OGFOD1: variants seen among roughly 807,000 people sequenced by gnomAD.
OGFOD1 encodes the protein prolyl 3-hydroxylase OGFOD1.
A neutral mutation model predicts 67.7 loss-of-function variants in OGFOD1; 54 were observed. The ratio of observed to expected loss-of-function variants is 0.80; its 90% CI spans 0.64 to 1.00. The LOEUF (loss-of-function observed/expected upper bound fraction) is 1.00. Ranked by LOEUF, OGFOD1 falls within the 50% of genes least tolerant of loss-of-function variation. OGFOD1 has a pLI of 0.00. For missense variants in OGFOD1, 606 were observed against 646.7 expected (o/e 0.94, Z 0.68); for synonymous variants, 221 against 227.0 (o/e 0.97, Z 0.24).
At position 56,478,725 on chromosome 16, in the gene OGFOD1, AG is replaced by A. The variant is rs1327024074; in HGVS notation, c.*2521del. The A allele has an allele frequency of 6.6e-6, 1 of 152,148 alleles. No homozygotes were observed. Among genetic ancestry groups the A allele is most frequent in the East Asian group, 1.9e-4 (1 of 5,182 alleles). The allele number at this position is 152,148 out of a possible 1,614,324, so 9.4% of individuals were successfully genotyped here. On this transcript the variant is annotated 3_prime_UTR_variant, in exon 13 of 13. Coordinates refer to ENST00000566157, the MANE Select transcript of OGFOD1 (RefSeq NM_018233.4). The stretch of plus-strand genomic sequence containing the variant: ...TCACAAGTGTTAAAATGTGCTTTTT[AG>A]TGTCTCCTTTATCTCAGTGTGTTTA...
Position 56,478,746 on chromosome 16 carries a change from T to A in OGFOD1, c.*2541T>A, listed in dbSNP as rs1410096267. The A allele has an allele frequency of 6.6e-6, 1 of 152,272 alleles. No homozygotes were observed. The highest frequency in any genetic ancestry group is 6.5e-5 in the Admixed American group (1 of 15,284). 9.4% of individuals were successfully genotyped at this position (152,272 alleles called of 1,614,324 possible). The stretch of plus-strand genomic sequence containing the variant: ...TTTTAGTGTCTCCTTTATCTCAGTG[T>A]GTTTATGATCTGTCAACACATAATC... On this transcript the variant is annotated 3_prime_UTR_variant, in exon 13 of 13. Transcript: ENST00000566157.
At position 56,451,563 on chromosome 16, in the gene OGFOD1, G is replaced by A. The variant is rs1272047583; in HGVS notation, c.-50G>A. ...CATGCCGGGAGTTGCAGTACCCTCA[G>A]GAAGGTAGCGTCTTGATCTGCGTGG... On this transcript the variant is annotated 5_prime_UTR_variant, in exon 1 of 13. Transcript: ENST00000566157. 7.5e-6 allele frequency: 12 copies of A among 1,602,902 alleles called. No individual in the cohort carries two copies. The highest frequency in any genetic ancestry group is 7.7e-6 in the Non-Finnish European group (9 of 1,174,030).
chr16:56,470,355 G>A (rs757090938), intron 9 of OGFOD1, 132 bp from the exon 10 acceptor site: 2 of 834,202 alleles, frequency 2.4e-6, no homozygotes, highest in Non-Finnish European at 1.9e-6. Context: ...TCTCACTATT[G>A]TAATAACTTG....
chr16:56,451,896 C>T, intron 1 of OGFOD1, 130 bp downstream of exon 1: 1 of 956,714 alleles, frequency 1.0e-6, no homozygotes, highest in Non-Finnish European at 1.5e-6. Flanking sequence ...CTTTGGCCAC[C>T]TCCTACTCTC....
chr16:56,461,376 G>A (rs1028234744), intron 3 of OGFOD1, among the ~76,000 whole-genome samples: 1 of 152,206 alleles, frequency 6.6e-6, no homozygotes, highest in East Asian at 1.9e-4. Flanking sequence ...AGGACGTGGT[G>A]TGGAAGCTCC....
rs1963556953 is a variant in OGFOD1 at position 56,478,111 on chromosome 16, C to A, written c.*1906C>A. ...GAACTAGTTCTAACATTGTCTTCCC[C>A]TATGCATATGGTAACGAACCATTTT... On this transcript the variant is annotated 3_prime_UTR_variant, in exon 13 of 13. Coordinates refer to ENST00000566157, the MANE Select transcript of OGFOD1 (RefSeq NM_018233.4). 6.6e-6 allele frequency: 1 copy of A among 152,160 alleles called. No homozygotes were observed. The highest frequency in any genetic ancestry group is 1.5e-5 in the Non-Finnish European group (1 of 68,024). The allele number at this position is 152,160 out of a possible 1,614,324, so 9.4% of individuals were successfully genotyped here. A position where few individuals can be genotyped will look rare whatever the true frequency, so the allele number is the denominator to read the frequency against.
At chr16:56,464,843 A>G (rs1416658507) in intron 4 of OGFOD1, among the ~76,000 whole-genome samples, 1 of 152,160 alleles carries the variant, frequency 6.6e-6, no homozygotes, top group Non-Finnish European at 1.5e-5. Flanking sequence ...CTTTTAGTGA[A>G]GAAAGATACT....
At chr16:56,475,100 G>A in intron 11 of OGFOD1, 150 bp downstream of exon 11, 2 of 801,290 alleles carry the variant, frequency 2.5e-6, no homozygotes, top group Non-Finnish European at 3.9e-6. Context: ...GATTTTACGG[G>A]TCATGAATTC....
chr16:56,452,874 C>G (rs1008126044), intron 1 of OGFOD1, among the ~76,000 whole-genome samples: 4 of 151,906 alleles, frequency 2.6e-5, no homozygotes, highest in Non-Finnish European at 5.9e-5. Context: ...TTGGGAAAAG[C>G]AAAAGCAGGG....
intron 2 of OGFOD1, among the ~76,000 whole-genome samples, chr16:56,456,447 A>G (rs1227168134): frequency 6.6e-6 from 1 of 152,184 alleles, no homozygotes; most frequent in Non-Finnish European, 1.5e-5. Flanking sequence ...TTCTCCCTCT[A>G]AATCTGCTCC....
chr16:56,473,280 CT>C (rs1963290108), intron 10 of OGFOD1, among the ~76,000 whole-genome samples: 1 of 152,172 alleles, frequency 6.6e-6, no homozygotes, highest in Non-Finnish European at 1.5e-5. Flanking sequence ...TTTCTAGAAG[CT>C]TTTATTTCAA....
At chr16:56,474,974 T>C (rs775539616) in intron 11 of OGFOD1, 24 bp downstream of exon 11, 1 of 1,611,642 alleles carries the variant, frequency 6.2e-7, no homozygotes, top group Admixed American at 1.7e-5. Context: ...AAGCAAGCGG[T>C]GGATTATTCC....
intron 2 of OGFOD1, 61 bp from the exon 3 acceptor site, chr16:56,458,487 C>A: frequency 6.8e-7 from 1 of 1,469,924 alleles, no homozygotes; most frequent in Non-Finnish European, 9.5e-7. Flanking sequence ...CTAAACTGCT[C>A]TCCTTTGTGT....
chr16:56,462,948 T>C (rs185185958), intron 4 of OGFOD1, among the ~76,000 whole-genome samples: 2 of 152,346 alleles, frequency 1.3e-5, no homozygotes, highest in East Asian at 3.9e-4. Flanking sequence ...TTAGACTTCC[T>C]AAGGAACAAC....
chr16:56,454,649 G>C (rs1962459163), intron 2 of OGFOD1: 1 of 322,270 alleles, frequency 3.1e-6, no homozygotes, highest in Admixed American at 4.2e-5. Context: ...TCAAATTGGG[G>C]GGGGAAAAAA....
At chr16:56,452,768 G>T (rs1208458158) in intron 1 of OGFOD1, among the ~76,000 whole-genome samples, 1 of 152,136 alleles carries the variant, frequency 6.6e-6, no homozygotes, top group East Asian at 1.9e-4. Context: ...GTGGGTAAAT[G>T]TTGGGGTAGA....
chr16:56,451,668 AGAAG>A lies in OGFOD1; in HGVS notation c.59_62del (p.Lys20ArgfsTer2), dbSNP rs781606379. 1 of 1,614,084 alleles carries A rather than the reference AGAAG, an allele frequency of 6.2e-7. No individual in the cohort carries two copies. The highest frequency in any genetic ancestry group is 1.1e-5 in the South Asian group (1 of 91,066). ...CCAGCCCGGGTGGGAAAAAAGGGAA[AGAAG>A]GAGGTGATGGCGGAGTTTTCGGACG... On this transcript the variant is annotated frameshift_variant, in exon 1 of 13. Transcript: ENST00000566157. LOFTEE classifies it high-confidence loss of function.
Position 56,467,283 on chromosome 16 carries a change from T to A in OGFOD1, c.776T>A (p.Ile259Asn). 6.2e-7 allele frequency: 1 copy of A among 1,614,112 alleles called. No homozygotes were observed. The change falls in exon 7 of 13, where the codon ATC (isoleucine) becomes AAC (asparagine). Residue 259 changes from isoleucine (I) to asparagine (N), a missense_variant. Transcript: ENST00000566157. The part of the protein sequence containing the change: ...FEPPIPRSPH[I>N]PQDHEILYDW... ...CCCCCCATACCTCGGAGCCCTCACA[T>A]CCCACAAGATGTAAGAAGAATTGCT...
chr16:56,470,708 A>C lies in OGFOD1; in HGVS notation c.1202A>C (p.Asn401Thr). Residue 401 changes from asparagine to threonine, a missense_variant, in exon 10 of 13, where the codon AAT becomes ACT. By Grantham distance (65) the Asn-to-Thr change is moderately conservative. Coordinates refer to ENST00000566157, the MANE Select transcript of OGFOD1 (RefSeq NM_018233.4). ...GTSHSPPEPENNQMAISNNSQ... is the reference protein window; with the variant it reads ...GTSHSPPEPETNQMAISNNSQ... ...AGCCATAGTCCTCCTGAGCCAGAGA[A>C]TAATCAGATGGCCATCAGCAACAAC... 1 of 1,614,170 alleles carries C rather than the reference A, an allele frequency of 6.2e-7. No homozygotes were observed. The highest frequency in any genetic ancestry group is 8.5e-7 in the Non-Finnish European group (1 of 1,180,016).
Sources: allele counts gnomAD v4.1 joint callset (sites outside exome capture counted in the v4.1 genomes callset), GRCh38; gene constraint gnomAD v4.1.1; transcripts MANE v1.5; gene names NCBI Gene and HGNC (gene_info 2026-07-23, HGNC 2026-07-21).